Variants in SLC12A8 observed in about 807,000 individuals in gnomAD.
The protein encoded by SLC12A8 is solute carrier family 12 member 8, also known as cation-chloride cotransporter 9.
A neutral mutation model predicts 75.6 loss-of-function variants in SLC12A8; 69 were observed. The ratio of observed to expected loss-of-function variants is 0.91; its 90% CI spans 0.75 to 1.11. The LOEUF is 1.11. Among genes scored for constraint, SLC12A8 ranks in the 50% most tolerant of loss-of-function variants. The probability of loss-of-function intolerance (pLI) is 0.00; values close to 1 mark genes in which losing one functional copy is unlikely to be tolerated. For missense variants in SLC12A8, 877 were observed against 896.7 expected, an observed-to-expected ratio of 0.98 and a Z score of 0.28; for synonymous variants, 365 against 372.8, an observed-to-expected ratio of 0.98 and a Z score of 0.24.
chr3:125,159,343 C>A (rs531421212), intron 5 of SLC12A8, among the ~76,000 whole-genome samples: 1 of 152,152 alleles, frequency 6.6e-6, no homozygotes, highest in Non-Finnish European at 1.5e-5. Flanking sequence ...CAATCCTCCC[C>A]CCTTGGTCTC....
chr3:125,086,295 A>T (rs1938460356), intron 13 of SLC12A8, among the ~76,000 whole-genome samples: 1 of 152,164 alleles, frequency 6.6e-6, no homozygotes, highest in Non-Finnish European at 1.5e-5. Flanking sequence ...CCCACCTCAC[A>T]GCCCACAGAG....
At chr3:125,143,072 T>C (rs1325539428) in intron 5 of SLC12A8, among the ~76,000 whole-genome samples, 2 of 152,228 alleles carry the variant, frequency 1.3e-5, no homozygotes, top group African/African-American at 4.8e-5. Context: ...GTCTAATTCA[T>C]TGGCCTGTTT....
intron 5 of SLC12A8, among the ~76,000 whole-genome samples, chr3:125,171,953 T>TA (rs1165990475): frequency 0.015 from 30 of 1,972 alleles, 8 homozygotes; most frequent in African/African-American, 0.026. Context: ...AATTAAAAAG[T>TA]AAAAAAAAAA....
At chr3:125,120,994 G>C in intron 6 of SLC12A8, 1 of 661,918 alleles carries the variant, frequency 1.5e-6, no homozygotes, top group Admixed American at 2.7e-5. Context: ...AAGGCACACA[G>C]AGGTCCTGCG....
At chr3:125,157,551 T>C (rs114954523) in intron 5 of SLC12A8, among the ~76,000 whole-genome samples, 160 of 152,330 alleles carry the variant, frequency 1.1e-3, no homozygotes, top group Non-Finnish European at 2.0e-3. Flanking sequence ...GAAAAGGCTC[T>C]GTACCCTTCT....
intron 5 of SLC12A8, among the ~76,000 whole-genome samples, chr3:125,166,785 ACAAT>A (rs1401383325): frequency 6.6e-6 from 1 of 152,264 alleles, no homozygotes; most frequent in Admixed American, 6.5e-5. Context: ...AGCAAATTGC[ACAAT>A]CATTCACTCA....
At chr3:125,158,906 C>A (rs1182701424) in intron 5 of SLC12A8, among the ~76,000 whole-genome samples, 1 of 151,894 alleles carries the variant, frequency 6.6e-6, no homozygotes, top group African/African-American at 2.4e-5. Context: ...TGATACCATC[C>A]CAAATGGCTT....
intron 10 of SLC12A8, among the ~76,000 whole-genome samples, chr3:125,106,766 A>G (rs532196498): frequency 6.6e-6 from 1 of 152,346 alleles, no homozygotes; most frequent in South Asian, 2.1e-4. Context: ...CATGGGCCTC[A>G]AATACAGACA....
At chr3:125,128,307 A>G (rs1933263253) in intron 6 of SLC12A8, among the ~76,000 whole-genome samples, 1 of 143,594 alleles carries the variant, frequency 7.0e-6, no homozygotes, top group African/African-American at 2.6e-5. Context: ...CAGCCTCCCA[A>G]GTAGCTGGGA....
intron 10 of SLC12A8, among the ~76,000 whole-genome samples, chr3:125,099,287 A>T (rs920045827): frequency 1.3e-5 from 2 of 152,258 alleles, no homozygotes; most frequent in Non-Finnish European, 2.9e-5. Context: ...GGCAGATGCC[A>T]CAGTTGAAAT....
intron 5 of SLC12A8, among the ~76,000 whole-genome samples, chr3:125,173,634 C>T (rs1013529948): frequency 1.2e-4 from 19 of 152,092 alleles, no homozygotes; most frequent in South Asian, 4.1e-4. Flanking sequence ...GCATGATCCA[C>T]GGAAAAACAC....
chr3:125,131,143 C>T (rs1220031279), intron 6 of SLC12A8, among the ~76,000 whole-genome samples: 2 of 152,180 alleles, frequency 1.3e-5, no homozygotes, highest in Non-Finnish European at 2.9e-5. Flanking sequence ...TCTGTCCATT[C>T]AGGAGGAAGC....
At chr3:125,149,895 C>T (rs527900716) in intron 5 of SLC12A8, among the ~76,000 whole-genome samples, 30 of 152,270 alleles carry the variant, frequency 2.0e-4, no homozygotes, top group African/African-American at 5.1e-4. Flanking sequence ...GCTTGGTCTG[C>T]AGAGGCTCAG....
chr3:125,097,044 T>C (rs1938730205), intron 10 of SLC12A8, among the ~76,000 whole-genome samples: 1 of 152,190 alleles, frequency 6.6e-6, no homozygotes, highest in Non-Finnish European at 1.5e-5. Flanking sequence ...ATTTAATTAA[T>C]GGCAAACATA....
intron 4 of SLC12A8, 53 bp downstream of exon 4, chr3:125,187,184 G>A (rs1934804604): frequency 1.4e-5 from 22 of 1,577,140 alleles, no homozygotes; most frequent in Non-Finnish European, 1.8e-5. Context: ...AAATGGACAA[G>A]AAGAAAGTGG....
Position 125,211,461 on chromosome 3 carries a change from T to C in SLC12A8, c.-45-67A>G. On this transcript the variant is annotated intron_variant, in intron 1 of 13. Coordinates refer to ENST00000469902, the MANE Select transcript of SLC12A8 (RefSeq NM_024628.6). ...TCCTCTCCCCTTGTTGTCCATCCTT[T>C]CTCTCTACTAGAATTGTTCAAACTA... is the stretch of plus-strand genomic sequence containing the variant. 3 of 868,792 alleles carry C rather than the reference T, an allele frequency of 3.5e-6. No individual in the cohort carries two copies. The South Asian group carries it at 4.0e-5, about 11-fold the overall frequency. The allele number at this position is 868,792 out of a possible 1,614,324, so 53.8% of individuals were successfully genotyped here.
At chr3:125,169,703 T>C (rs898860113) in intron 5 of SLC12A8, among the ~76,000 whole-genome samples, 2 of 152,146 alleles carry the variant, frequency 1.3e-5, no homozygotes, top group African/African-American at 4.8e-5. Flanking sequence ...GAATACGAAC[T>C]ATACCAGAGA....
intron 10 of SLC12A8, among the ~76,000 whole-genome samples, chr3:125,103,274 G>C (rs1938931058): frequency 1.3e-5 from 2 of 151,954 alleles, no homozygotes; most frequent in African/African-American, 4.8e-5. Flanking sequence ...TCGGGCAAGG[G>C]ATTAAAGAAC....
chr3:125,092,326 G>T (rs1046270462), intron 10 of SLC12A8, 128 bp from the exon 11 acceptor site: 47 of 575,550 alleles, frequency 8.2e-5, no homozygotes, highest in Non-Finnish European at 1.2e-4. Context: ...CCCAGGGCTT[G>T]CTCTTGCAGA....
Sources: allele counts gnomAD v4.1 joint callset (sites outside exome capture counted in the v4.1 genomes callset), GRCh38; gene constraint gnomAD v4.1.1; transcripts MANE v1.5; gene names NCBI Gene and HGNC (gene_info 2026-07-23, HGNC 2026-07-21).